The following MYO5A variants were observed in gnomAD, a reference collection of about 807,000 sequenced individuals.
The protein encoded by MYO5A is myosin VA, also known as unconventional myosin-Va.
In MYO5A, 98 loss-of-function variants were observed where a neutral mutation model predicts 249.7. The observed-to-expected ratio is 0.39, with a 90% CI of 0.33 to 0.46. The LOEUF (loss-of-function observed/expected upper bound fraction) is 0.46, where lower values mean the gene tolerates loss of function less well. Ranked by LOEUF, MYO5A falls within the 20% of genes least tolerant of loss-of-function variation. MYO5A has a pLI of 0.98. For synonymous variants in MYO5A, 778 were observed against 810.6 expected, an observed-to-expected ratio of 0.96 and a Z score of 0.68; for missense variants, 1,696 against 2,308.8, an observed-to-expected ratio of 0.73 and a Z score of 5.44.
rs548854433 is a variant in MYO5A at position 52,384,047 on chromosome 15, G to A, written c.1914+114C>T. ...GGTGTCGTATGATCTCACAGTGAAA[G>A]CTCTAGGCTCTCCTCACCTGAGGAT... On this transcript the variant is annotated intron_variant, in intron 15 of 41. Transcript: ENST00000399233. 4.9e-5 allele frequency: 63 copies of A among 1,286,840 alleles called. No individual in the cohort carries two copies. The African/African-American group carries it at 8.4e-4, about 17-fold the overall frequency. The allele number at this position is 1,286,840 out of a possible 1,614,324, so 79.7% of individuals were successfully genotyped here.
intron 1 of MYO5A, among the ~76,000 whole-genome samples, chr15:52,470,288 T>G (rs2076433180): frequency 6.6e-6 from 1 of 152,144 alleles, no homozygotes; most frequent in Admixed American, 6.5e-5. Flanking sequence ...ACCACTTTGA[T>G]AGCTTTGGTG....
chr15:52,457,622 A>G (rs577654590), intron 1 of MYO5A, among the ~76,000 whole-genome samples: 1 of 152,324 alleles, frequency 6.6e-6, no homozygotes, highest in South Asian at 2.1e-4. Flanking sequence ...GAGACTGTTG[A>G]GGATGTGGAG....
Position 52,498,986 on chromosome 15 carries a change from A to T in MYO5A, c.27+29794T>A, listed in dbSNP as rs940374744. The stretch of plus-strand genomic sequence containing the variant: ...TTCCATAAAGCATATCAAATGTAAG[A>T]TATCATTTAAGATTTTTAAAAACTA... On this transcript the variant is annotated intron_variant, in intron 1 of 41. Coordinates refer to ENST00000399233, the MANE Select transcript of MYO5A (RefSeq NM_001382347.1). Among the ~76,000 whole-genome samples, 6 of 152,312 alleles carry T rather than the reference A, an allele frequency of 3.9e-5. No homozygotes were observed. The East Asian group carries it at 7.7e-4, about 20-fold the overall frequency.
chr15:52,528,786 G>A lies in MYO5A; in HGVS notation c.21C>T (p.Tyr7=), dbSNP rs1236820784. Reference sequence around the variant, plus strand: ...CGGCCGCGGGGTGCCTTACCTTTGTGTAGAGCTCCGACGCAGCCATGGCGG... The same window carrying A: ...CGGCCGCGGGGTGCCTTACCTTTGTATAGAGCTCCGACGCAGCCATGGCGG... MAASEL[Y]TKFARVWIPD... is the part of the protein sequence containing the mutation. The change falls in exon 1 of 42, where the codon TAC becomes TAT. Residue 7 remains tyrosine, a synonymous_variant. Transcript: ENST00000399233. 6 of 1,502,552 alleles carry A rather than the reference G, an allele frequency of 4.0e-6. No homozygotes were observed. Among genetic ancestry groups the A allele is most frequent in the Non-Finnish European group, 4.4e-6 (5 of 1,132,410 alleles). The allele number at this position is 1,502,552 out of a possible 1,614,324, so 93.1% of individuals were successfully genotyped here. A position where few individuals can be genotyped will look rare whatever the true frequency, so the allele number is the denominator to read the frequency against.
chr15:52,528,890 C>T (rs1487975535), upstream of MYO5A: 8 of 1,287,570 alleles, frequency 6.2e-6, no homozygotes, highest in Middle Eastern at 2.9e-4. Flanking sequence ...TAGGAAGCGC[C>T]CGCAGCCGCC....
At chr15:52,379,591 C>T (rs781696386) in intron 18 of MYO5A, 34 bp downstream of exon 18, 1 of 1,587,468 alleles carries the variant, frequency 6.3e-7, no homozygotes, top group East Asian at 2.2e-5. Context: ...ACAAGGCCTT[C>T]TGCTCAGATG....
intron 15 of MYO5A, among the ~76,000 whole-genome samples, 160 bp from the exon 16 acceptor site, chr15:52,383,348 G>A (rs750260584): frequency 9.2e-5 from 14 of 152,146 alleles, no homozygotes; most frequent in Admixed American, 7.2e-4. Flanking sequence ...AAACAAGAAT[G>A]CTAGGGCTTT....
At chr15:52,524,844 G>C (rs566245325) in intron 1 of MYO5A, among the ~76,000 whole-genome samples, 1 of 151,708 alleles carries the variant, frequency 6.6e-6, no homozygotes, top group South Asian at 2.1e-4. Flanking sequence ...CTCCAGCCTG[G>C]GTGACACAGT....
intron 23 of MYO5A, 84 bp from the exon 24 acceptor site, chr15:52,364,786 C>A: frequency 6.6e-7 from 1 of 1,506,928 alleles, no homozygotes; most frequent in Non-Finnish European, 9.1e-7. Flanking sequence ...TTTCCAGTTT[C>A]TCTGTAGGCA....
chr15:52,392,208 C>T (rs2042270416), intron 11 of MYO5A, 138 bp from the exon 12 acceptor site: 3 of 811,014 alleles, frequency 3.7e-6, no homozygotes, highest in South Asian at 3.3e-5. Context: ...GATTTACACA[C>T]AGAGAAAGCA....
chr15:52,356,864 A>C (rs2040254481), intron 25 of MYO5A, among the ~76,000 whole-genome samples: 1 of 147,672 alleles, frequency 6.8e-6, no homozygotes, highest in African/African-American at 2.5e-5. Context: ...GTCTTTCATG[A>C]ATTCAGAGTA....
chr15:52,384,259 A>G lies in MYO5A; in HGVS notation c.1816T>C (p.Ser606Pro), dbSNP rs1206303497. The change falls in exon 15 of 42, where the codon TCC becomes CCC. Residue 606 changes from serine to proline, a missense_variant. By Grantham distance (74) the Ser-to-Pro change is moderately conservative (BLOSUM62 -1). Transcript: ENST00000399233. ...CGTGTGAGGGGTGTGCGCCCTGAGG[A>G]GGTGGCTGAAGTTGGACTGATGGCC... ...EKAISPTSAT[S>P]SGRTPLTRTP... 1 of 1,614,198 alleles carries G rather than the reference A, an allele frequency of 6.2e-7. No homozygotes were observed. Among genetic ancestry groups the G allele is most frequent in the Non-Finnish European group, 8.5e-7 (1 of 1,180,020 alleles).
At position 52,375,496 on chromosome 15, in the gene MYO5A, CAG is replaced by C. The variant is rs752282373; in HGVS notation, c.2421-38_2421-37del. ...AAAATAACATTATGTTGTCAGTAATCAGAAAAAAATGCAGGAATACATATTAG... is the reference window on the plus strand; with the variant it reads ...AAAATAACATTATGTTGTCAGTAATCAAAAAAATGCAGGAATACATATTAG... On this transcript the variant is annotated intron_variant, in intron 19 of 41. Transcript: ENST00000399233. The C allele has an allele frequency of 4.0e-5, 64 of 1,610,740 alleles. No individual in the cohort carries two copies. The South Asian group carries it at 6.7e-4, about 17-fold the overall frequency.
intron 1 of MYO5A, among the ~76,000 whole-genome samples, chr15:52,491,022 G>T (rs1277022269): frequency 6.6e-6 from 1 of 152,050 alleles, no homozygotes; most frequent in East Asian, 1.9e-4. Flanking sequence ...GCCTGGCCTG[G>T]TTGTACAACA....
At chr15:52,332,109 C>T (rs1220293970) in intron 34 of MYO5A, among the ~76,000 whole-genome samples, 1 of 152,112 alleles carries the variant, frequency 6.6e-6, no homozygotes, top group East Asian at 1.9e-4. Context: ...ATTATAAAAC[C>T]CCTGCCATCT....
At chr15:52,475,223 C>T (rs1252021866) in intron 1 of MYO5A, among the ~76,000 whole-genome samples, 8 of 152,164 alleles carry the variant, frequency 5.3e-5, no homozygotes, top group Admixed American at 4.6e-4. Flanking sequence ...TCTGTGAGAT[C>T]AGTGGTGATA....
At position 52,379,894 on chromosome 15, in the gene MYO5A, C is replaced by G; in HGVS notation, c.2027G>C (p.Arg676Thr). The change falls in exon 17 of 42, where the codon AGG becomes ACG. Residue 676 changes from arginine to threonine, a missense_variant. Physicochemically the swap from Arg to Thr is moderately conservative, Grantham distance 71. This residue lies in a region of MYO5A where 277 missense variants were observed against 422.4 expected (regional missense o/e 0.66). Transcript: ENST00000399233. ...ACATGCTCTCAGCTGCTGCACTGCC[C>G]TCTTCTCATCAAACCTACAAATAAA... ...FKFPFTFDEK[R>T]AVQQLRACGV... 1 of 1,614,024 alleles carries G rather than the reference C, an allele frequency of 6.2e-7. No homozygotes were observed. Among genetic ancestry groups the G allele is most frequent in the Non-Finnish European group, 8.5e-7 (1 of 1,179,916 alleles).
At chr15:52,501,844 A>C (rs1474626135) in intron 1 of MYO5A, among the ~76,000 whole-genome samples, 2 of 147,850 alleles carry the variant, frequency 1.4e-5, no homozygotes, top group African/African-American at 5.0e-5. Context: ...TAACATAGGC[A>C]TACACACAGA....
chr15:52,383,495 C>T (rs779884252), intron 15 of MYO5A, among the ~76,000 whole-genome samples: 1 of 152,138 alleles, frequency 6.6e-6, no homozygotes, highest in Non-Finnish European at 1.5e-5. Flanking sequence ...AACAATATAA[C>T]CTTGCTTTAA....
Sources: allele counts gnomAD v4.1 joint callset (sites outside exome capture counted in the v4.1 genomes callset), GRCh38; gene constraint gnomAD v4.1.1; regional missense constraint gnomAD v4.1.1; transcripts MANE v1.5; gene names NCBI Gene and HGNC (gene_info 2026-07-23, HGNC 2026-07-21).